PPP5C: variants seen among roughly 807,000 people sequenced by gnomAD.
PPP5C encodes serine/threonine-protein phosphatase 5.
Under a neutral mutation model 66.7 loss-of-function variants are expected in PPP5C, and 21 were observed. The observed-to-expected ratio is 0.31, with a 90% CI of 0.22 to 0.45. The LOEUF is 0.45. PPP5C is among the 20% of genes least tolerant of loss of function. The pLI is 1.00. For synonymous variants in PPP5C, 246 were observed against 257.4 expected (o/e 0.96, Z 0.43); for missense variants, 464 against 675.9 (o/e 0.69, Z 3.48).
At chr19:46,349,030 A>G (rs1465429829) in intron 1 of PPP5C, among the ~76,000 whole-genome samples, 1 of 151,966 alleles carries the variant, frequency 6.6e-6, no homozygotes, top group Non-Finnish European at 1.5e-5. Context: ...AAGTGTTAGG[A>G]GTATTGGTTC....
chr19:46,366,378 C>T (rs1454602858), intron 2 of PPP5C, among the ~76,000 whole-genome samples: 1 of 151,708 alleles, frequency 6.6e-6, no homozygotes, highest in East Asian at 2.0e-4. Context: ...CAGAATTTTA[C>T]TCTGTCACCC....
rs1021270482 is a variant in PPP5C at position 46,389,430 on chromosome 19, C to T, written c.1356-621C>T. On this transcript the variant is annotated intron_variant, in intron 11 of 12. Coordinates refer to ENST00000012443, the MANE Select transcript of PPP5C (RefSeq NM_006247.4). ...ACACACACACACACACACACACACA[C>T]ACACACACACACACACACACACACA... Among the ~76,000 whole-genome samples, 35 of 81,200 alleles carry T rather than the reference C, an allele frequency of 4.3e-4. 3 individuals are homozygous for T. Among genetic ancestry groups the T allele is most frequent in the Non-Finnish European group, 6.7e-4 (25 of 37,172 alleles). The allele number at this position is 81,200 out of a possible 152,430, so 53.3% of individuals were successfully genotyped here.
At chr19:46,375,398 A>C (rs1972674273) in intron 2 of PPP5C, among the ~76,000 whole-genome samples, 1 of 152,222 alleles carries the variant, frequency 6.6e-6, no homozygotes. Context: ...GATGAAGTGC[A>C]CCCATGCGGG....
intron 7 of PPP5C, among the ~76,000 whole-genome samples, chr19:46,385,297 G>A (rs550587962): frequency 2.0e-5 from 3 of 152,298 alleles, no homozygotes; most frequent in Admixed American, 2.0e-4. Context: ...TGACGAGGCA[G>A]TTGTGCCCCC....
At chr19:46,389,061 C>T (rs962352908) in intron 11 of PPP5C, among the ~76,000 whole-genome samples, 9 of 152,144 alleles carry the variant, frequency 5.9e-5, no homozygotes, top group Admixed American at 6.5e-5. Context: ...TGGTGGCTCA[C>T]GCCTATAATC....
intron 2 of PPP5C, among the ~76,000 whole-genome samples, chr19:46,355,669 C>T (rs1972272856): frequency 6.6e-6 from 1 of 152,104 alleles, no homozygotes; most frequent in Non-Finnish European, 1.5e-5. Flanking sequence ...ATTGTCTCTT[C>T]CTGTCCTAAT....
chr19:46,359,225 A>G (rs1027164429), intron 2 of PPP5C, among the ~76,000 whole-genome samples: 1 of 152,020 alleles, frequency 6.6e-6, no homozygotes, highest in African/African-American at 2.4e-5. Flanking sequence ...AGAGTGGCAA[A>G]AAGAAGACCT....
At chr19:46,351,631 C>T (rs1972186548) in intron 1 of PPP5C, among the ~76,000 whole-genome samples, 1 of 152,236 alleles carries the variant, frequency 6.6e-6, no homozygotes, top group Admixed American at 6.5e-5. Context: ...GAGCGCGGGC[C>T]AGGCAGCCTC....
At chr19:46,379,577 C>T (rs62136669) in intron 4 of PPP5C, among the ~76,000 whole-genome samples, 33,957 of 152,196 alleles carry the variant, frequency 0.22, 4,379 homozygotes, top group Non-Finnish European at 0.3. Context: ...GTCTAGATGT[C>T]TCTTTTCTAT....
chr19:46,382,876 AAAAT>A lies in PPP5C; in HGVS notation c.634-530_634-527del, dbSNP rs1180915081. ...TGTCAAGGTCATATCCAATCTGTGA[AAAAT>A]AAATCATCTGCATTTCTAGACATCT... On this transcript the variant is annotated intron_variant, in intron 4 of 12. Transcript: ENST00000012443. 4.7e-4 allele frequency: 503 copies of A among 1,070,324 alleles called. 1 individual carries two copies. In the African/African-American group the frequency reaches 8.1e-3, roughly 17 times the overall value. 66.3% of individuals were successfully genotyped at this position (1,070,324 alleles called of 1,614,324 possible).
At chr19:46,370,566 G>A (rs975304330) in intron 2 of PPP5C, among the ~76,000 whole-genome samples, 1 of 152,176 alleles carries the variant, frequency 6.6e-6, no homozygotes, top group Non-Finnish European at 1.5e-5. Context: ...GGTTCGCTTG[G>A]CTTCTTTTTT....
intron 4 of PPP5C, among the ~76,000 whole-genome samples, chr19:46,377,038 G>A (rs1050851683): frequency 6.6e-6 from 1 of 152,144 alleles, no homozygotes; most frequent in Non-Finnish European, 1.5e-5. Context: ...ATCCCATCTG[G>A]ACAAGGCCCC....
chr19:46,386,035 G>A (rs989134565), intron 7 of PPP5C, among the ~76,000 whole-genome samples: 4 of 152,050 alleles, frequency 2.6e-5, no homozygotes, highest in Non-Finnish European at 4.4e-5. Context: ...AAGAGGGAAC[G>A]AAAGGGGCCC....
chr19:46,365,759 G>T (rs1266716109), intron 2 of PPP5C, among the ~76,000 whole-genome samples: 3 of 152,080 alleles, frequency 2.0e-5, no homozygotes, highest in Non-Finnish European at 4.4e-5. Flanking sequence ...GGTCAAAGGG[G>T]GCAATTTTCT....
At chr19:46,361,099 G>T (rs1398517481) in intron 2 of PPP5C, among the ~76,000 whole-genome samples, 3 of 147,046 alleles carry the variant, frequency 2.0e-5, no homozygotes, top group African/African-American at 7.5e-5. Context: ...TTTGTGTTTT[G>T]CAATTTACCC....
chr19:46,386,453 G>A (rs1052557769), intron 7 of PPP5C, among the ~76,000 whole-genome samples: 1 of 142,856 alleles, frequency 7.0e-6, no homozygotes, highest in Non-Finnish European at 1.6e-5. Flanking sequence ...TGCTCAGGCC[G>A]AGAAGTCAGA....
At position 46,390,348 on chromosome 19, in the gene PPP5C, G is replaced by C; in HGVS notation, c.*2G>C. ...CTGCTGCAGCTAGGAATGATGTGAGGTGACGGGCGGGGCGGCCTGCATCCC... is the reference window on the plus strand; with the variant it reads ...CTGCTGCAGCTAGGAATGATGTGAGCTGACGGGCGGGGCGGCCTGCATCCC... On this transcript the variant is annotated 3_prime_UTR_variant, in exon 13 of 13. Coordinates refer to ENST00000012443, the MANE Select transcript of PPP5C (RefSeq NM_006247.4). 6.4e-7 allele frequency: 1 copy of C among 1,571,620 alleles called. No homozygotes were observed. The highest frequency in any genetic ancestry group is 8.6e-7 in the Non-Finnish European group (1 of 1,158,444).
Position 46,383,685 on chromosome 19 carries a change from G to T in PPP5C, c.700-95G>T. On this transcript the variant is annotated intron_variant, in intron 5 of 12. Transcript: ENST00000012443. The surrounding 1 kb of genome is among the most constrained non-coding windows in gnomAD (Gnocchi z 5.0). ...TTGTGTCTCTTGCATGATTCTTCTT[G>T]GTCTACTGTGAACTCTTACCCTTCC... 9.0e-7 allele frequency: 1 copy of T among 1,108,672 alleles called. No homozygotes were observed. The highest frequency in any genetic ancestry group is 1.3e-6 in the Non-Finnish European group (1 of 743,212). 68.7% of individuals were successfully genotyped at this position (1,108,672 alleles called of 1,614,324 possible).
Position 46,354,005 on chromosome 19 carries a change from G to A in PPP5C, c.363+16G>A, listed in dbSNP as rs765667905. On this transcript the variant is annotated intron_variant, in intron 2 of 12. Coordinates refer to ENST00000012443, the MANE Select transcript of PPP5C (RefSeq NM_006247.4). Reference sequence around the variant, plus strand: ...CTACGAGACGGTGAGCTGGGGAGTGGGCCAGGCCTGGCACCTGAGCCAGGC... The same window carrying A: ...CTACGAGACGGTGAGCTGGGGAGTGAGCCAGGCCTGGCACCTGAGCCAGGC... The A allele has an allele frequency of 1.2e-6, 2 of 1,608,422 alleles. No individual in the cohort carries two copies. Among genetic ancestry groups the A allele is most frequent in the East Asian group, 2.2e-5 (1 of 44,708 alleles).
Sources: gnomAD v4.1 joint callset for allele counts (sites outside exome capture counted in the v4.1 genomes callset) on GRCh38, gnomAD v4.1.1 for gene constraint, Gnocchi (gnomAD v3.1) non-coding constraint, MANE v1.5 for transcripts, NCBI Gene and HGNC (gene_info 2026-07-23, HGNC 2026-07-21) for gene names.